PLD2: variants seen among roughly 807,000 people sequenced by gnomAD.
The protein encoded by PLD2 is choline phosphatase 2.
A neutral mutation model predicts 119.8 loss-of-function variants in PLD2; 101 were observed. The ratio of observed to expected loss-of-function variants is 0.84; its 90% CI spans 0.72 to 0.99. The LOEUF is 0.99. Ranked by LOEUF, PLD2 falls within the 50% of genes least tolerant of loss-of-function variation. PLD2 has a pLI of 0.00. For missense variants in PLD2, 1,164 were observed against 1,226.8 expected (o/e 0.95, Z 0.76); for synonymous variants, 494 against 482.8 (o/e 1.02, Z -0.30).
intron 21 of PLD2, 129 bp from the exon 22 acceptor site, chr17:4,818,955 C>G (rs1031742267): frequency 6.7e-7 from 1 of 1,490,582 alleles, no homozygotes; most frequent in African/African-American, 1.4e-5. Flanking sequence ...CCATAGCTGG[C>G]CTTTCACTGC....
At chr17:4,822,322 C>CA (rs971552305) in intron 24 of PLD2, among the ~76,000 whole-genome samples, 22 of 143,798 alleles carry the variant, frequency 1.5e-4, no homozygotes, top group Admixed American at 9.0e-4. Flanking sequence ...AACTCTGTCT[C>CA]AAAAAAAAAA....
In PLD2 at chr17:4,809,295, C is replaced by T. The variant is rs1268912986; in HGVS notation, c.490-3C>T. On this transcript the variant is annotated splice_region_variant and splice_polypyrimidine_tract_variant and intron_variant, in intron 5 of 24. Coordinates refer to ENST00000263088, the MANE Select transcript of PLD2 (RefSeq NM_002663.5). ...CTCTCTCTCTCTCTCATCTCCACTT[C>T]AGAAATACCTGGAGAATTACCTCAA... 6.2e-7 allele frequency: 1 copy of T among 1,613,786 alleles called. No individual in the cohort carries two copies.
chr17:4,816,896 C>CCAG (rs781345457), intron 15 of PLD2, 41 bp from the exon 16 acceptor site: 2 of 1,586,226 alleles, frequency 1.3e-6, no homozygotes, highest in East Asian at 4.5e-5. Flanking sequence ...CCCAAGGAGT[C>CCAG]CAGCCCTGAC....
At chr17:4,815,673 C>T in intron 13 of PLD2, 87 bp downstream of exon 13, 1 of 1,592,398 alleles carries the variant, frequency 6.3e-7, no homozygotes, top group Non-Finnish European at 8.6e-7. Context: ...CCCTGATGGT[C>T]TCATCTTTCC....
rs566398834 is a variant in PLD2, at chr17:4,814,674, A to G, written c.1136A>G (p.Asp379Gly). 1.9e-6 allele frequency: 3 copies of G among 1,614,036 alleles called. No individual in the cohort carries two copies. Among genetic ancestry groups the G allele is most frequent in the Non-Finnish European group, 2.5e-6 (3 of 1,180,006 alleles). Reference sequence around the variant, plus strand: ...TACCTGAAGCGTCCGGCCCATTCAGATGACTGGAGACTGGACATTATGCTC... The same window carrying G: ...TACCTGAAGCGTCCGGCCCATTCAGGTGACTGGAGACTGGACATTATGCTC... The part of the protein sequence containing the change: ...EVYLKRPAHS[D>G]DWRLDIMLKR... The change falls in exon 12 of 25, where the codon GAT becomes GGT. Residue 379 changes from aspartate (D) to glycine (G), a missense_variant. By Grantham distance (94) the Asp-to-Gly change is moderately conservative (BLOSUM62 -1). Coordinates refer to ENST00000263088, the MANE Select transcript of PLD2 (RefSeq NM_002663.5).
At chr17:4,813,626 G>C (rs911948132) in intron 10 of PLD2, among the ~76,000 whole-genome samples, 2 of 152,166 alleles carry the variant, frequency 1.3e-5, no homozygotes, top group Admixed American at 1.3e-4. Flanking sequence ...TTGGGAGGCC[G>C]AGGCGGGTAG....
chr17:4,810,600 G>A (rs3853646), intron 9 of PLD2, among the ~76,000 whole-genome samples: 84,786 of 151,864 alleles, frequency 0.56, 24,790 homozygotes, highest in Non-Finnish European at 0.66. Context: ...AGCAGAGATC[G>A]CACCACTGCA....
intron 20 of PLD2, 36 bp downstream of exon 20, chr17:4,818,643 C>G (rs375982515): frequency 4.7e-5 from 73 of 1,560,028 alleles, no homozygotes; most frequent in Non-Finnish European, 6.2e-5. Flanking sequence ...CTCAGTGGCC[C>G]CATCCCACCC....
Position 4,818,792 on chromosome 17 carries a change from G to C in PLD2, c.2142G>C (p.Glu714Asp), listed in dbSNP as rs773017795. ...HFTYRTLCRG[E>D]YSILHRLKAA... ...CTCTCAGGACCCTGTGTCGTGGGGA[G>C]TATTCAATCCTGCATCGCCTTAAAG... The change falls in exon 21 of 25, where the codon GAG becomes GAC. Residue 714 changes from glutamate (E) to aspartate (D), a missense_variant. Transcript: ENST00000263088. 1.2e-6 allele frequency: 2 copies of C among 1,614,040 alleles called. No homozygotes were observed. The highest frequency in any genetic ancestry group is 1.3e-5 in the African/African-American group (1 of 74,906).
chr17:4,822,620 G>A lies in PLD2; in HGVS notation c.2578-20G>A, dbSNP rs371928004. The stretch of plus-strand genomic sequence containing the variant: ...GAGAGTCTCCCCAAGCCTTACTGGC[G>A]TCCATGCCCCCGCCCACAGATCTTC... On this transcript the variant is annotated intron_variant, in intron 24 of 24. Transcript: ENST00000263088. 94 of 1,568,306 alleles carry A rather than the reference G, an allele frequency of 6.0e-5. No individual in the cohort carries two copies. The highest frequency in any genetic ancestry group is 1.8e-4 in the Middle Eastern group (1 of 5,422).
At position 4,807,528 on chromosome 17, in the gene PLD2, TG is replaced by T. The variant is rs5818989; in HGVS notation, c.-1-242del. 127,171 of 330,046 alleles carry T rather than the reference TG, an allele frequency of 0.39. 28,204 individuals are homozygous for T. Among genetic ancestry groups the T allele is most frequent in the Non-Finnish European group, 0.48 (83,391 of 173,912 alleles). 20.4% of individuals were successfully genotyped at this position (330,046 alleles called of 1,614,324 possible). A position where few individuals can be genotyped will look rare whatever the true frequency, so the allele number is the denominator to read the frequency against. On this transcript the variant is annotated intron_variant, in intron 1 of 24. Coordinates refer to ENST00000263088, the MANE Select transcript of PLD2 (RefSeq NM_002663.5). This position sits in a 1 kb window ranked among gnomAD's most constrained non-coding sequence, Gnocchi z 5.4. The stretch of plus-strand genomic sequence containing the variant: ...CCTGGCTGGGTGTTCCCCGGGGCTC[TG>T]GTTACGGGACGGGGCGGGGGGCGGG...
intron 10 of PLD2, 95 bp downstream of exon 10, chr17:4,811,046 C>T (rs972840712): frequency 2.4e-6 from 3 of 1,240,606 alleles, no homozygotes; most frequent in Non-Finnish European, 2.2e-6. Context: ...TCATCTGAAC[C>T]CTCCTGACCT....
Position 4,818,488 on chromosome 17 carries a change from C to A in PLD2, c.2010-6C>A, listed in dbSNP as rs745890129. Reference sequence around the variant, plus strand: ...AGTCGCACCTCTGACTCCACCCCCTCCCCAGACAGGGGTGGTGTTACCGAG... The same window carrying A: ...AGTCGCACCTCTGACTCCACCCCCTACCCAGACAGGGGTGGTGTTACCGAG... On this transcript the variant is annotated splice_region_variant and splice_polypyrimidine_tract_variant and intron_variant, in intron 19 of 24. Coordinates refer to ENST00000263088, the MANE Select transcript of PLD2 (RefSeq NM_002663.5). 2 of 1,609,084 alleles carry A rather than the reference C, an allele frequency of 1.2e-6. No homozygotes were observed. The highest frequency in any genetic ancestry group is 2.2e-5 in the South Asian group (2 of 91,002).
rs1444103432 is a variant in PLD2, at chr17:4,808,925, C to T, written c.384-175C>T. Among the ~76,000 whole-genome samples the T allele has an allele frequency of 6.6e-6, 1 of 152,092 alleles. No individual in the cohort carries two copies. Among genetic ancestry groups the T allele is most frequent in the African/African-American group, 2.4e-5 (1 of 41,410 alleles). On this transcript the variant is annotated intron_variant, in intron 4 of 24. Transcript: ENST00000263088. The surrounding 1 kb of genome is among the most constrained non-coding windows in gnomAD (Gnocchi z 4.1). ...CCCAGGCTGGTCTTAAATTCCTGAG[C>T]TCAAGTGATCCACCTGCTGCGGCCT... is the stretch of plus-strand genomic sequence containing the variant.
rs1704409543 is a variant in PLD2 at position 4,822,763 on chromosome 17, G to A, written c.2701G>A (p.Gly901Ser). 6.2e-7 allele frequency: 1 copy of A among 1,613,856 alleles called. No individual in the cohort carries two copies. Among genetic ancestry groups the A allele is most frequent in the African/African-American group, 1.3e-5 (1 of 75,038 alleles). The change falls in exon 25 of 25, where the codon GGC (glycine) becomes AGC (serine). Residue 901 changes from glycine (G) to serine (S), a missense_variant. Physicochemically the swap from Gly to Ser is moderately conservative, Grantham distance 56. Coordinates refer to ENST00000263088, the MANE Select transcript of PLD2 (RefSeq NM_002663.5). ...LARSELTQVQ[G>S]HLVHFPLKFL... ...TCGGTCTGAGCTCACCCAGGTCCAG[G>A]GCCACCTGGTCCACTTCCCCCTCAA...
Position 4,821,854 on chromosome 17 carries a change from T to C in PLD2, c.2524T>C (p.Phe842Leu), listed in dbSNP as rs1361648558. The C allele has an allele frequency of 1.2e-5, 19 of 1,614,088 alleles. No homozygotes were observed. The highest frequency in any genetic ancestry group is 1.5e-5 in the Non-Finnish European group (18 of 1,179,974). The change falls in exon 24 of 25, where the codon TTC (phenylalanine) becomes CTC (leucine). Residue 842 changes from phenylalanine (F) to leucine (L), a missense_variant. Physicochemically the swap from Phe to Leu is conservative, Grantham distance 22. Coordinates refer to ENST00000263088, the MANE Select transcript of PLD2 (RefSeq NM_002663.5). ...LDLRDPICDD[F>L]FQLWQDMAES... ...TCTCCGAGACCCCATCTGTGATGAC[T>C]TCTTCCAGTTGTGGCAAGACATGGC...
At chr17:4,809,669 T>C (rs764933474) in intron 7 of PLD2, 22 bp from the exon 8 acceptor site, 1 of 1,613,532 alleles carries the variant, frequency 6.2e-7, no homozygotes, top group African/African-American at 1.3e-5. Flanking sequence ...TCATCCCGCC[T>C]CTCTTCCTGA....
Position 4,810,926 on chromosome 17 carries a change from C to T in PLD2, c.985C>T (p.Pro329Ser). 6.2e-7 allele frequency: 1 copy of T among 1,612,576 alleles called. No homozygotes were observed. The highest frequency in any genetic ancestry group is 2.2e-5 in the East Asian group (1 of 44,860). The change falls in exon 10 of 25, where the codon CCC (proline) becomes TCC (serine). Residue 329 changes from proline (P) to serine (S), a missense_variant. By Grantham distance (74) the Pro-to-Ser change is moderately conservative (BLOSUM62 -1). Coordinates refer to ENST00000263088, the MANE Select transcript of PLD2 (RefSeq NM_002663.5). ...GCACCGGCATGACAGCTACGCCCCACCCCGGCCTGGGACCTTGGCCCGGTG... is the reference window on the plus strand; with the variant it reads ...GCACCGGCATGACAGCTACGCCCCATCCCGGCCTGGGACCTTGGCCCGGTG... ...QLHRHDSYAP[P>S]RPGTLARWFV... is the part of the protein sequence containing the mutation.
In PLD2 at chr17:4,810,010, C is replaced by T. The variant is rs768519666; in HGVS notation, c.841C>T (p.Arg281Trp). 4 of 1,613,006 alleles carry T rather than the reference C, an allele frequency of 2.5e-6. No individual in the cohort carries two copies. The highest frequency in any genetic ancestry group is 1.1e-5 in the South Asian group (1 of 91,038). Residue 281 changes from arginine to tryptophan, a missense_variant, in exon 9 of 25, where the codon CGG becomes TGG. Physicochemically the swap from Arg to Trp is moderately radical, Grantham distance 101 (BLOSUM62 -3). Coordinates refer to ENST00000263088, the MANE Select transcript of PLD2 (RefSeq NM_002663.5). ...GAGCACGGAGGCACGGCACGGCGTGCGGATCGATACCTCCCACAGGTGAGG... is the reference window on the plus strand; with the variant it reads ...GAGCACGGAGGCACGGCACGGCGTGTGGATCGATACCTCCCACAGGTGAGG... Reference protein sequence around the residue: ...KRSTEARHGVRIDTSHRSLIL... With the variant: ...KRSTEARHGVWIDTSHRSLIL...
Sources: allele counts gnomAD v4.1 joint callset (sites outside exome capture counted in the v4.1 genomes callset), GRCh38; gene constraint gnomAD v4.1.1; non-coding constraint Gnocchi (gnomAD v3.1); transcripts MANE v1.5; gene names NCBI Gene and HGNC (gene_info 2026-07-23, HGNC 2026-07-21).